The following FAM193A variants were observed in gnomAD, a reference collection of about 807,000 sequenced individuals.
FAM193A encodes the protein family with sequence similarity 193 member A.
In FAM193A, 22 loss-of-function variants were observed where a neutral mutation model predicts 126.5. The observed-to-expected ratio is 0.17, with a 90% CI of 0.12 to 0.25. FAM193A has a LOEUF of 0.25. Among genes scored for constraint, FAM193A ranks in the 10% least tolerant of loss-of-function variants. The probability of loss-of-function intolerance (pLI) is 1.00; values close to 1 mark genes in which losing one functional copy is unlikely to be tolerated. For missense variants in FAM193A, 1,675 were observed against 1,672.8 expected, an observed-to-expected ratio of 1.00 and a Z score of -0.02; for synonymous variants, 761 against 646.8, an observed-to-expected ratio of 1.18 and a Z score of -2.68.
Position 2,631,158 on chromosome 4 carries a change from C to G in FAM193A, c.1027C>G (p.Leu343Val). 1 of 1,607,832 alleles carries G rather than the reference C, an allele frequency of 6.2e-7. No individual in the cohort carries two copies. The change falls in exon 5 of 21, where the codon CTT becomes GTT. Residue 343 changes from leucine to valine, a missense_variant. Leu to Val is a conservative substitution (Grantham distance 32). Transcript: ENST00000637812. Reference sequence around the variant, plus strand: ...GGCCGCACGCTCCATCAGCACCTTCCTTGGCACTCTGGTAAGAGAGAAAAC... The same window carrying G: ...GGCCGCACGCTCCATCAGCACCTTCGTTGGCACTCTGGTAAGAGAGAAAAC... ...CQAARSISTF[L>V]GTLENEHLKK...
intron 13 of FAM193A, among the ~76,000 whole-genome samples, chr4:2,676,638 C>T (rs1312563736): frequency 8.6e-5 from 13 of 152,042 alleles, no homozygotes; most frequent in African/African-American, 2.2e-4. Flanking sequence ...TGTCTGTTGA[C>T]GCACAACATT....
At chr4:2,687,334 A>G (rs7340951) in intron 13 of FAM193A, among the ~76,000 whole-genome samples, 17,826 of 152,198 alleles carry the variant, frequency 0.12, 1,488 homozygotes, top group African/African-American at 0.24. Context: ...CTGAATACTT[A>G]CTATGGGCCA....
chr4:2,727,276 C>T (rs926460654), intron 20 of FAM193A, among the ~76,000 whole-genome samples: 1 of 152,130 alleles, frequency 6.6e-6, no homozygotes, highest in Non-Finnish European at 1.5e-5. Context: ...AAATTGTGAC[C>T]AATTGCTGTT....
chr4:2,721,994 A>G (rs1286725910), intron 20 of FAM193A, among the ~76,000 whole-genome samples: 1 of 152,242 alleles, frequency 6.6e-6, no homozygotes, highest in Non-Finnish European at 1.5e-5. Context: ...AGTTCCCTCG[A>G]TATGAGGCCA....
chr4:2,664,279 A>T (rs1340074112), intron 12 of FAM193A, among the ~76,000 whole-genome samples: 1 of 152,234 alleles, frequency 6.6e-6, no homozygotes, highest in African/African-American at 2.4e-5. Flanking sequence ...GTGAGGATAT[A>T]AATTCACCTT....
At chr4:2,704,557 C>G (rs148174186) in intron 19 of FAM193A, among the ~76,000 whole-genome samples, 1 of 151,726 alleles carries the variant, frequency 6.6e-6, no homozygotes, top group Admixed American at 6.6e-5. Context: ...AGAGCAAGAC[C>G]CTATCTGAAA....
At position 2,732,248 on chromosome 4, in the gene FAM193A, C is replaced by T. The variant is rs1721484798; in HGVS notation, c.*380C>T. The T allele has an allele frequency of 2.8e-5, 7 of 248,112 alleles. No individual in the cohort carries two copies. The South Asian group carries it at 3.4e-4, about 12-fold the overall frequency. The allele number at this position is 248,112 out of a possible 1,614,324, so 15.4% of individuals were successfully genotyped here. ...GTCCTCACCGGGGTATCGGCCGTCA[C>T]TCAGCTCTCCTGTGCCCCTGCGTCT... On this transcript the variant is annotated 3_prime_UTR_variant, in exon 21 of 21. Coordinates refer to ENST00000637812, the MANE Select transcript of FAM193A (RefSeq NM_001366318.2).
intron 1 of FAM193A, among the ~76,000 whole-genome samples, chr4:2,538,843 T>A (rs955216332): frequency 1.6e-4 from 25 of 152,204 alleles, no homozygotes; most frequent in African/African-American, 6.0e-4. Flanking sequence ...CAAGTTTTAA[T>A]AATTTACATT....
rs1740506652 is a variant in FAM193A, at chr4:2,590,513, AAAAC to A, written c.256-5567_256-5564del. On this transcript the variant is annotated intron_variant, in intron 1 of 20. Coordinates refer to ENST00000637812, the MANE Select transcript of FAM193A (RefSeq NM_001366318.2). Reference sequence around the variant, plus strand: ...AAAAAAAACAAAAAAAAACAAAAAAAAAACAAAACAAAATTAAAAAACAGAAAAT... The same window carrying A: ...AAAAAAAACAAAAAAAAACAAAAAAAAAAACAAAATTAAAAAACAGAAAAT... 1.6e-4 allele frequency among the ~76,000 whole-genome samples: 19 copies of A among 117,336 alleles called. 1 individual carries two copies. The highest frequency in any genetic ancestry group is 7.7e-4 in the African/African-American group (17 of 22,044). 77.0% of individuals were successfully genotyped at this position (117,336 alleles called of 152,430 possible). A position where few individuals can be genotyped will look rare whatever the true frequency, so the allele number is the denominator to read the frequency against.
intron 1 of FAM193A, among the ~76,000 whole-genome samples, chr4:2,555,214 A>G (rs1441740930): frequency 6.6e-6 from 1 of 152,222 alleles, no homozygotes; most frequent in Admixed American, 6.5e-5. Flanking sequence ...TTACATGAAC[A>G]TGGTGACACA....
At chr4:2,598,915 G>A (rs1259815090) in intron 2 of FAM193A, among the ~76,000 whole-genome samples, 1 of 152,158 alleles carries the variant, frequency 6.6e-6, no homozygotes, top group Non-Finnish European at 1.5e-5. Flanking sequence ...CTGTGCTCAC[G>A]GCCTTGGGGG....
intron 1 of FAM193A, among the ~76,000 whole-genome samples, chr4:2,562,611 A>G (rs551391636): frequency 2.6e-5 from 4 of 151,594 alleles, no homozygotes; most frequent in African/African-American, 9.7e-5. Context: ...CCCACCCCCC[A>G]ACTTGATCTG....
In FAM193A at chr4:2,639,815, G is replaced by T; in HGVS notation, c.1119G>T (p.Glu373Asp). 1 of 1,614,122 alleles carries T rather than the reference G, an allele frequency of 6.2e-7. No homozygotes were observed. The highest frequency in any genetic ancestry group is 8.5e-7 in the Non-Finnish European group (1 of 1,179,990). Residue 373 changes from glutamate to aspartate, a missense_variant, in exon 6 of 21, where the codon GAG (glutamate) becomes GAT (aspartate). Coordinates refer to ENST00000637812, the MANE Select transcript of FAM193A (RefSeq NM_001366318.2). ...KHLFENLVFS[E>D]PLLQSNLPAL... The stretch of plus-strand genomic sequence containing the variant: ...TGTTTGAAAATCTGGTCTTTTCGGA[G>T]CCACTTCTTCAGAGCAACTTGCCCG...
intron 20 of FAM193A, among the ~76,000 whole-genome samples, chr4:2,717,593 C>T (rs1162630871): frequency 8.1e-6 from 1 of 123,092 alleles, no homozygotes; most frequent in African/African-American, 3.0e-5. Flanking sequence ...GAGACTTTGT[C>T]TCAGGAAAAA....
At chr4:2,664,149 G>A (rs948210577) in intron 12 of FAM193A, among the ~76,000 whole-genome samples, 3 of 152,040 alleles carry the variant, frequency 2.0e-5, no homozygotes, top group Non-Finnish European at 4.4e-5. Context: ...TTTCTTCTAC[G>A]TATAATGTTT....
chr4:2,652,755 G>T (rs1358418795), intron 7 of FAM193A, among the ~76,000 whole-genome samples: 1 of 152,170 alleles, frequency 6.6e-6, no homozygotes, highest in East Asian at 1.9e-4. Flanking sequence ...CATATCACCT[G>T]GCTTTCCCTT....
chr4:2,599,962 C>T (rs1343189891), intron 2 of FAM193A, among the ~76,000 whole-genome samples: 3 of 151,094 alleles, frequency 2.0e-5, no homozygotes, highest in Non-Finnish European at 2.9e-5. Context: ...TGCAGTGGTG[C>T]GATGTTGGCT....
chr4:2,552,886 C>T (rs1218162825), intron 1 of FAM193A, among the ~76,000 whole-genome samples: 2 of 134,756 alleles, frequency 1.5e-5, no homozygotes, highest in Non-Finnish European at 3.1e-5. Context: ...CTTGTTCCAT[C>T]GTCCAGGCTG....
intron 19 of FAM193A, chr4:2,708,099 G>A (rs1190326179): frequency 4.5e-6 from 2 of 441,318 alleles, no homozygotes; most frequent in Admixed American, 2.4e-5. Flanking sequence ...TTATTTATTT[G>A]TGTATGAAAG....
Sources: allele counts gnomAD v4.1 joint callset (sites outside exome capture counted in the v4.1 genomes callset), GRCh38; gene constraint gnomAD v4.1.1; transcripts MANE v1.5; gene names NCBI Gene and HGNC (gene_info 2026-07-23, HGNC 2026-07-21).